DNAH6: variants seen among roughly 807,000 people sequenced by gnomAD.
DNAH6 encodes axonemal beta dynein heavy chain 6.
A neutral mutation model predicts 491.4 loss-of-function variants in DNAH6; 340 were observed. That is an observed-to-expected ratio of 0.69 (90% confidence interval 0.63 to 0.76). The LOEUF (loss-of-function observed/expected upper bound fraction) is 0.76, where lower values mean the gene tolerates loss of function less well. Among genes scored for constraint, DNAH6 ranks in the 30% least tolerant of loss-of-function variants. The probability of loss-of-function intolerance (pLI) is 0.00; values close to 1 mark genes in which losing one functional copy is unlikely to be tolerated. For synonymous variants in DNAH6, 1,603 were observed against 1,686.1 expected (o/e 0.95, Z 1.21); for missense variants, 4,443 against 4,972.2 (o/e 0.89, Z 3.20).
chr2:84,586,258 T>A (rs550457418), intron 15 of DNAH6, among the ~76,000 whole-genome samples: 1 of 152,268 alleles, frequency 6.6e-6, no homozygotes, highest in South Asian at 2.1e-4. Context: ...CCACCCCAAC[T>A]TGGAAGGGGC....
intron 22 of DNAH6, among the ~76,000 whole-genome samples, chr2:84,614,151 A>G (rs1645400187): frequency 1.3e-5 from 2 of 151,818 alleles, no homozygotes; most frequent in African/African-American, 4.8e-5. Flanking sequence ...ACTGTACCCA[A>G]TGCGTAGTCT....
At chr2:84,685,630 A>C (rs1178666660) in intron 43 of DNAH6, among the ~76,000 whole-genome samples, 158 bp downstream of exon 43, 4 of 151,988 alleles carry the variant, frequency 2.6e-5, no homozygotes, top group Admixed American at 2.6e-4. Flanking sequence ...TGAAATATGC[A>C]ATATTATAAA....
chr2:84,607,888 A>C (rs1349359768), intron 21 of DNAH6, among the ~76,000 whole-genome samples: 2 of 152,176 alleles, frequency 1.3e-5, no homozygotes, highest in Non-Finnish European at 2.9e-5. Context: ...ATTTAAAAAA[A>C]ATCTTTGTAG....
At chr2:84,511,467 C>A (rs1221416765), upstream of DNAH6, among the ~76,000 whole-genome samples, 2 of 152,156 alleles carry the variant, frequency 1.3e-5, no homozygotes, top group African/African-American at 4.8e-5. Flanking sequence ...CAGGTGCCGT[C>A]CATCACCCCT....
At chr2:84,785,981 T>A (rs1186811529) in intron 67 of DNAH6, among the ~76,000 whole-genome samples, 1 of 152,166 alleles carries the variant, frequency 6.6e-6, no homozygotes, top group South Asian at 2.1e-4. Flanking sequence ...ATACCATCAA[T>A]TGGATGAATG....
At chr2:84,681,603 A>C in intron 42 of DNAH6, 75 bp downstream of exon 42, 2 of 1,332,878 alleles carry the variant, frequency 1.5e-6, no homozygotes, top group African/African-American at 3.0e-5. Flanking sequence ...TCTCAGTAAC[A>C]TTGTATGTAT....
In DNAH6 at chr2:84,552,900, T is replaced by C. The variant is rs777119245; in HGVS notation, c.1486-18T>C. 1 of 1,475,106 alleles carries C rather than the reference T, an allele frequency of 6.8e-7. No homozygotes were observed. The highest frequency in any genetic ancestry group is 1.2e-5 in the South Asian group (1 of 85,826). The allele number at this position is 1,475,106 out of a possible 1,614,324, so 91.4% of individuals were successfully genotyped here. On this transcript the variant is annotated intron_variant, in intron 9 of 76. Transcript: ENST00000389394. ...TGATACTTGTGTCTTTATAACACTG[T>C]ACATATATTCATTTCAGGGGACCCT... is the stretch of plus-strand genomic sequence containing the variant.
chr2:84,584,715 CA>C (rs1422467105), intron 15 of DNAH6: 1 of 155,370 alleles, frequency 6.4e-6, no homozygotes, highest in Non-Finnish European at 1.4e-5. Context: ...GACTTGCTAG[CA>C]CATTTTACAG....
chr2:84,634,724 G>A, intron 30 of DNAH6, 83 bp downstream of exon 30: 1 of 1,385,982 alleles, frequency 7.2e-7, no homozygotes, highest in Non-Finnish European at 9.4e-7. Flanking sequence ...TTAGGAAGGA[G>A]ATGCTAAAAA....
At chr2:84,801,894 AAAAGAAAAAAAG>A (rs1476431151) in intron 70 of DNAH6, among the ~76,000 whole-genome samples, 1 of 151,322 alleles carries the variant, frequency 6.6e-6, no homozygotes, top group Non-Finnish European at 1.5e-5. Flanking sequence ...AAAAAAAAAG[AAAAGAAAAAAAG>A]AAAGAAAGGG....
chr2:84,565,066 T>C (rs913277738), intron 11 of DNAH6, among the ~76,000 whole-genome samples: 8 of 152,204 alleles, frequency 5.3e-5, no homozygotes, highest in African/African-American at 1.9e-4. Context: ...ATTAACTTTT[T>C]GATGTGCTTC....
chr2:84,637,220 T>A lies in DNAH6; in HGVS notation c.4664T>A (p.Phe1555Tyr). ...TTTATCTTCGAACAGCTCTCTAGAT[T>A]CATGTTTGAGGGGCGGGAAATAAAG... ...RNAKAAKLSRFMFEGREIKLV... is the reference protein window; with the variant it reads ...RNAKAAKLSRYMFEGREIKLV... Residue 1555 changes from phenylalanine to tyrosine, a missense_variant, in exon 31 of 77, where the codon TTC becomes TAC. Coordinates refer to ENST00000389394, the MANE Select transcript of DNAH6 (RefSeq NM_001370.2). The A allele has an allele frequency of 6.5e-7, 1 of 1,544,724 alleles. No homozygotes were observed. The highest frequency in any genetic ancestry group is 8.7e-7 in the Non-Finnish European group (1 of 1,142,896).
intron 29 of DNAH6, among the ~76,000 whole-genome samples, chr2:84,632,036 G>T (rs1278174164): frequency 6.6e-6 from 1 of 152,154 alleles, no homozygotes; most frequent in African/African-American, 2.4e-5. Flanking sequence ...CTGACTACAG[G>T]TATGTCCTGG....
Position 84,718,485 on chromosome 2 carries a change from G to A in DNAH6, c.9792+101G>A, listed in dbSNP as rs1368963996. 6.3e-6 allele frequency: 6 copies of A among 950,574 alleles called. No homozygotes were observed. In the Admixed American group the frequency reaches 1.5e-4, roughly 24 times the overall value. The allele number at this position is 950,574 out of a possible 1,614,324, so 58.9% of individuals were successfully genotyped here. ...CAAGGGCTTTTAAAGCAAGACGGGG[G>A]CCACACTGGGCTTCCATGGACACAC... On this transcript the variant is annotated intron_variant, in intron 59 of 76. Coordinates refer to ENST00000389394, the MANE Select transcript of DNAH6 (RefSeq NM_001370.2).
intron 18 of DNAH6, among the ~76,000 whole-genome samples, chr2:84,600,400 A>C (rs1463103527): frequency 6.6e-6 from 1 of 152,124 alleles, no homozygotes; most frequent in African/African-American, 2.4e-5. Context: ...TCCATGCTTT[A>C]TCTGAGTTTT....
At chr2:84,690,023 G>A (rs1043937523) in intron 45 of DNAH6, among the ~76,000 whole-genome samples, 4 of 152,146 alleles carry the variant, frequency 2.6e-5, no homozygotes, top group African/African-American at 9.7e-5. Flanking sequence ...CACATACTGA[G>A]CACTTTATAA....
intron 13 of DNAH6, among the ~76,000 whole-genome samples, chr2:84,579,153 G>A (rs1158654903): frequency 1.3e-5 from 2 of 152,172 alleles, no homozygotes; most frequent in African/African-American, 4.8e-5. Flanking sequence ...CAGTCAGACT[G>A]CATATTTGTT....
chr2:84,534,999 C>T (rs1012890093), intron 4 of DNAH6, among the ~76,000 whole-genome samples: 3 of 151,630 alleles, frequency 2.0e-5, no homozygotes, highest in Admixed American at 6.6e-5. Context: ...TGTAGGCTTT[C>T]GTAATTTTCA....
intron 29 of DNAH6, among the ~76,000 whole-genome samples, chr2:84,627,654 A>G (rs1342086281): frequency 6.6e-6 from 1 of 152,030 alleles, no homozygotes; most frequent in Non-Finnish European, 1.5e-5. Flanking sequence ...TTCTTTATTC[A>G]TTTGGTTTGT....
Sources: gnomAD v4.1 joint callset for allele counts (sites outside exome capture counted in the v4.1 genomes callset) on GRCh38, gnomAD v4.1.1 for gene constraint, MANE v1.5 for transcripts, NCBI Gene and HGNC (gene_info 2026-07-23, HGNC 2026-07-21) for gene names.